The following GLRA3 variants were observed in gnomAD, a reference collection of about 807,000 sequenced individuals.
GLRA3 encodes glycine receptor subunit alpha-3.
Under a neutral mutation model 60.4 loss-of-function variants are expected in GLRA3, and 44 were observed. That is an observed-to-expected ratio of 0.73 (90% CI 0.57 to 0.94). The LOEUF (loss-of-function observed/expected upper bound fraction) is 0.94, where lower values mean the gene tolerates loss of function less well. Ranked by LOEUF, GLRA3 falls within the 40% of genes least tolerant of loss-of-function variation. The probability of loss-of-function intolerance (pLI) is 0.00; values close to 1 mark genes in which losing one functional copy is unlikely to be tolerated. For synonymous variants in GLRA3, 223 were observed against 192.9 expected, an observed-to-expected ratio of 1.16 and a Z score of -1.29; for missense variants, 508 against 564.6, an observed-to-expected ratio of 0.90 and a Z score of 1.02.
chr4:174,826,210 A>G (rs1394019906), intron 1 of GLRA3, among the ~76,000 whole-genome samples: 1 of 152,178 alleles, frequency 6.6e-6, no homozygotes, highest in Non-Finnish European at 1.5e-5. Flanking sequence ...AGATAAGTTA[A>G]TTTTGATGTA....
intron 1 of GLRA3, among the ~76,000 whole-genome samples, chr4:174,824,031 CACCTTTATA>C (rs778585377): frequency 2.6e-5 from 4 of 152,108 alleles, no homozygotes; most frequent in Non-Finnish European, 4.4e-5. Context: ...ACAGTATACT[CACCTTTATA>C]ACCTTTTGTA....
At chr4:174,823,251 A>AC (rs35441692) in intron 1 of GLRA3, among the ~76,000 whole-genome samples, 110,188 of 152,118 alleles carry the variant, frequency 0.72, 40,577 homozygotes, top group Non-Finnish European at 0.8. Context: ...CTCAAAAAAA[A>AC]AATGTATTTC....
intron 5 of GLRA3, among the ~76,000 whole-genome samples, chr4:174,703,320 G>T (rs2111055457): frequency 6.6e-6 from 1 of 152,278 alleles, no homozygotes; most frequent in Non-Finnish European, 1.5e-5. Context: ...TTGCCTTCAT[G>T]ATTCACAGCT....
chr4:174,663,787 G>C (rs35952497), intron 7 of GLRA3, among the ~76,000 whole-genome samples: 1 of 152,084 alleles, frequency 6.6e-6, no homozygotes, highest in Admixed American at 6.6e-5. Context: ...GACACACAGC[G>C]CACTCCCCAT....
chr4:174,745,471 G>T (rs190812216), intron 3 of GLRA3, among the ~76,000 whole-genome samples: 2 of 152,254 alleles, frequency 1.3e-5, no homozygotes, highest in Non-Finnish European at 2.9e-5. Context: ...CACAGTTTTA[G>T]GTCGTACATT....
At chr4:174,744,092 T>C (rs1737132921) in intron 3 of GLRA3, among the ~76,000 whole-genome samples, 2 of 152,214 alleles carry the variant, frequency 1.3e-5, no homozygotes, top group Admixed American at 1.3e-4. Flanking sequence ...TGTATGGTGC[T>C]GTGGTGCTGC....
chr4:174,791,231 G>A (rs1561121758), intron 1 of GLRA3, among the ~76,000 whole-genome samples: 2 of 152,088 alleles, frequency 1.3e-5, no homozygotes, highest in Non-Finnish European at 2.9e-5. Flanking sequence ...AAGAGGGAAG[G>A]CAATGTGACC....
intron 6 of GLRA3, among the ~76,000 whole-genome samples, chr4:174,682,386 A>G (rs1215153181): frequency 1.3e-5 from 2 of 152,174 alleles, no homozygotes; most frequent in Non-Finnish European, 2.9e-5. Context: ...AAAATATGAC[A>G]AAGGGAAAAA....
Position 174,638,451 on chromosome 4 carries a change from T to A in GLRA3, c.*5335A>T, listed in dbSNP as rs374549562. ...CTGGGATTACAGGCACCTGCCATCA[T>A]GCCTGGCTAATTTTTGTATTTTTAG... On this transcript the variant is annotated 3_prime_UTR_variant, in exon 10 of 10. Coordinates refer to ENST00000274093, the MANE Select transcript of GLRA3 (RefSeq NM_006529.4). The A allele has an allele frequency of 2.0e-5, 3 of 152,110 alleles. No homozygotes were observed. The East Asian group carries it at 5.8e-4, about 29-fold the overall frequency. The allele number at this position is 152,110 out of a possible 1,614,324, so 9.4% of individuals were successfully genotyped here.
chr4:174,697,074 G>A (rs1735087218), intron 5 of GLRA3, among the ~76,000 whole-genome samples: 1 of 152,024 alleles, frequency 6.6e-6, no homozygotes, highest in Non-Finnish European at 1.5e-5. Flanking sequence ...TAGCTTAAAA[G>A]ACTACACATG....
Position 174,642,924 on chromosome 4 carries a change from T to C in GLRA3, c.*862A>G, listed in dbSNP as rs951177819. ...AAAATATAAAAGTCTTACTGAATTT[T>C]GTCCTGTTATATCAAATTATTAAAC... On this transcript the variant is annotated 3_prime_UTR_variant, in exon 10 of 10. Transcript: ENST00000274093. 3 of 779,672 alleles carry C rather than the reference T, an allele frequency of 3.8e-6. No homozygotes were observed. The African/African-American group carries it at 5.7e-5, about 15-fold the overall frequency. The allele number at this position is 779,672 out of a possible 1,614,324, so 48.3% of individuals were successfully genotyped here. A position where few individuals can be genotyped will look rare whatever the true frequency, so the allele number is the denominator to read the frequency against.
intron 1 of GLRA3, among the ~76,000 whole-genome samples, chr4:174,817,232 T>A (rs1199932932): frequency 6.6e-6 from 1 of 152,208 alleles, no homozygotes; most frequent in Admixed American, 6.5e-5. Flanking sequence ...AGAAGCCTCT[T>A]CGTTCTGATG....
At chr4:174,781,693 G>T (rs1284245412) in intron 2 of GLRA3, among the ~76,000 whole-genome samples, 1 of 149,728 alleles carries the variant, frequency 6.7e-6, no homozygotes, top group African/African-American at 2.4e-5. Flanking sequence ...ACACCTCTAC[G>T]CAAATAAACT....
Position 174,728,652 on chromosome 4 carries a change from C to T in GLRA3, c.314G>A (p.Arg105His). The change falls in exon 4 of 10, where the codon CGC becomes CAC. Residue 105 changes from arginine (R) to histidine (H), a missense_variant. Arg to His is a conservative substitution (Grantham distance 29). Around this residue, in one of 3 missense-constraint regions of GLRA3, gnomAD observed 329 missense variants for 349.3 expected, o/e 0.94. Transcript: ENST00000274093. ...IFLRQKWNDPRLAYSEYPDDS... is the reference protein window; with the variant it reads ...IFLRQKWNDPHLAYSEYPDDS... ...GTCAGGATATTCACTGTACGCGAGG[C>T]GGGGATCATTCCATTTCTGACGAAG... 5.6e-6 allele frequency: 9 copies of T among 1,610,062 alleles called. No homozygotes were observed. The highest frequency in any genetic ancestry group is 1.1e-5 in the South Asian group (1 of 90,946).
chr4:174,784,067 C>G (rs375045710), intron 2 of GLRA3, among the ~76,000 whole-genome samples: 2 of 149,140 alleles, frequency 1.3e-5, no homozygotes, highest in African/African-American at 2.5e-5. Flanking sequence ...TTGGAACCAA[C>G]CCAAATGTCC....
At chr4:174,738,627 T>G (rs1420169908) in intron 3 of GLRA3, among the ~76,000 whole-genome samples, 1 of 152,246 alleles carries the variant, frequency 6.6e-6, no homozygotes, top group Non-Finnish European at 1.5e-5. Context: ...TAAGTATGAT[T>G]ATTTCATTTC....
intron 7 of GLRA3, among the ~76,000 whole-genome samples, chr4:174,662,003 T>A (rs185678824): frequency 7.1e-4 from 108 of 152,324 alleles, no homozygotes; most frequent in Non-Finnish European, 1.1e-3. Context: ...CTCAGTTTAA[T>A]TGGGCAGTGA....
chr4:174,674,987 C>T (rs764908973), intron 7 of GLRA3, among the ~76,000 whole-genome samples: 27 of 152,072 alleles, frequency 1.8e-4, no homozygotes, highest in Non-Finnish European at 3.5e-4. Context: ...TTTTGTTTAT[C>T]CTGGGTCCTT....
At chr4:174,766,592 T>A (rs998674063) in intron 3 of GLRA3, among the ~76,000 whole-genome samples, 2 of 152,074 alleles carry the variant, frequency 1.3e-5, no homozygotes, top group Non-Finnish European at 2.9e-5. Flanking sequence ...TAAAATAACA[T>A]TATAAACAAA....
Sources: allele counts gnomAD v4.1 joint callset (sites outside exome capture counted in the v4.1 genomes callset), GRCh38; gene constraint gnomAD v4.1.1; regional missense constraint gnomAD v4.1.1; transcripts MANE v1.5; gene names NCBI Gene and HGNC (gene_info 2026-07-23, HGNC 2026-07-21).